ZFYVE28: variants seen among roughly 807,000 people sequenced by gnomAD.
ZFYVE28 encodes the protein lateral signaling target protein 2 homolog.
ZFYVE28 carries 40 observed loss-of-function variants against 82.1 expected under a neutral mutation model. The ratio of observed to expected loss-of-function variants is 0.49; its 90% CI spans 0.38 to 0.63. The LOEUF (loss-of-function observed/expected upper bound fraction) is 0.63. Among genes scored for constraint, ZFYVE28 ranks in the 30% least tolerant of loss-of-function variants. The pLI, the probability that ZFYVE28 is intolerant of heterozygous loss-of-function variation, is 0.00. For missense variants in ZFYVE28, 1,321 were observed against 1,242.1 expected (o/e 1.06, Z -0.96); for synonymous variants, 612 against 546.1 (o/e 1.12, Z -1.68).
At chr4:2,405,011 C>T (rs998406967) in intron 1 of ZFYVE28, among the ~76,000 whole-genome samples, 17 of 152,172 alleles carry the variant, frequency 1.1e-4, no homozygotes, top group South Asian at 6.2e-4. Context: ...GGATTATAGG[C>T]GTAGGCCACC....
At chr4:2,396,119 C>T (rs3128796) in intron 1 of ZFYVE28, among the ~76,000 whole-genome samples, 3 of 86,372 alleles carry the variant, frequency 3.5e-5, no homozygotes, top group Admixed American at 2.3e-4. Context: ...TGCAGAGGGG[C>T]CACAAGGCGG....
chr4:2,386,888 G>A (rs557065161), intron 1 of ZFYVE28, among the ~76,000 whole-genome samples: 1 of 152,370 alleles, frequency 6.6e-6, no homozygotes, highest in African/African-American at 2.4e-5. Context: ...AGCCAAGCTC[G>A]CTGCCCTCAG....
chr4:2,320,172 T>C lies in ZFYVE28; in HGVS notation c.801A>G (p.Ile267Met). 3.1e-6 allele frequency: 5 copies of C among 1,611,520 alleles called. No individual in the cohort carries two copies. The highest frequency in any genetic ancestry group is 4.2e-6 in the Non-Finnish European group (5 of 1,178,302). The change falls in exon 7 of 13, where the codon ATA (isoleucine) becomes ATG (methionine). Residue 267 changes from isoleucine to methionine, a missense_variant and splice_region_variant. This residue lies in a region of ZFYVE28 where 343 missense variants were observed against 408.4 expected (regional missense o/e 0.84). Coordinates refer to ENST00000290974, the MANE Select transcript of ZFYVE28 (RefSeq NM_020972.3). The surrounding 1 kb of genome is among the most constrained non-coding windows in gnomAD (Gnocchi z 5.1). ...FRPFHTLLRKIRDLLQTLTEE... is the reference protein window; with the variant it reads ...FRPFHTLLRKMRDLLQTLTEE... ...ACCTCCTCTAGCTCCATCCCCACCT[T>C]ATTTTCCGCAGCAACGTGTGGAAGG...
At chr4:2,321,005 C>T (rs3135119) in intron 6 of ZFYVE28, among the ~76,000 whole-genome samples, 41,158 of 151,836 alleles carry the variant, frequency 0.27, 6,285 homozygotes, top group Middle Eastern at 0.39. Flanking sequence ...TGCCAAGCTC[C>T]GAGTGTGCCT....
At chr4:2,301,684 A>G (rs1715550549) in intron 8 of ZFYVE28, among the ~76,000 whole-genome samples, 1 of 152,048 alleles carries the variant, frequency 6.6e-6, no homozygotes, top group Non-Finnish European at 1.5e-5. Context: ...CAGCAGCAAA[A>G]GATGTGCAGG....
At chr4:2,295,686 G>T in intron 8 of ZFYVE28, 1 of 153,018 alleles carries the variant, frequency 6.5e-6, no homozygotes. Flanking sequence ...TGCCACCTGG[G>T]CACCTTTCCT....
At chr4:2,370,867 C>T (rs1432825897) in intron 1 of ZFYVE28, among the ~76,000 whole-genome samples, 1 of 152,228 alleles carries the variant, frequency 6.6e-6, no homozygotes, top group Non-Finnish European at 1.5e-5. Flanking sequence ...GGGCACCCAA[C>T]CCTGCCACGT....
rs529162111 is a variant in ZFYVE28 at position 2,342,241 on chromosome 4, C to T, written c.181-626G>A. Among the ~76,000 whole-genome samples the T allele has an allele frequency of 5.9e-5, 9 of 152,300 alleles. No homozygotes were observed. In the South Asian group the frequency reaches 6.2e-4, roughly 11 times the overall value. ...GGAACCAGCAGATCAATTACAGCAA[C>T]GCATAAGTCAGTCTGCACTGGAAGG... On this transcript the variant is annotated intron_variant, in intron 2 of 12. Transcript: ENST00000290974.
intron 10 of ZFYVE28, among the ~76,000 whole-genome samples, chr4:2,272,697 C>T (rs578144320): frequency 2.0e-5 from 3 of 152,138 alleles, no homozygotes; most frequent in Non-Finnish European, 4.4e-5. Flanking sequence ...CATAGAGAGG[C>T]GGGTTCGGGG....
chr4:2,344,349 G>A (rs914342190), intron 2 of ZFYVE28, among the ~76,000 whole-genome samples: 1 of 152,214 alleles, frequency 6.6e-6, no homozygotes, highest in Non-Finnish European at 1.5e-5. Context: ...CAGGAGGCTA[G>A]AGTAGCAGGA....
intron 1 of ZFYVE28, among the ~76,000 whole-genome samples, chr4:2,379,935 G>T (rs542392570): frequency 9.2e-5 from 14 of 152,004 alleles, no homozygotes; most frequent in Non-Finnish European, 1.8e-4. Context: ...TTACAGCCAT[G>T]AGCCACAGTA....
intron 6 of ZFYVE28, among the ~76,000 whole-genome samples, chr4:2,334,129 C>A (rs910542560): frequency 6.6e-6 from 1 of 152,174 alleles, no homozygotes; most frequent in African/African-American, 2.4e-5. Context: ...CTCACTCTCT[C>A]TGGTTTGCTA....
chr4:2,378,706 G>C (rs1007609542), intron 1 of ZFYVE28, among the ~76,000 whole-genome samples: 12 of 152,184 alleles, frequency 7.9e-5, no homozygotes, highest in African/African-American at 2.4e-4. Context: ...CCTGGATTGA[G>C]ACTAGGTATT....
intron 8 of ZFYVE28, among the ~76,000 whole-genome samples, chr4:2,284,209 C>CAAAT (rs1332886600): frequency 6.6e-6 from 1 of 152,178 alleles, no homozygotes; most frequent in Non-Finnish European, 1.5e-5. Context: ...AGCCAGCCTG[C>CAAAT]AAATGAGTGT....
intron 8 of ZFYVE28, among the ~76,000 whole-genome samples, chr4:2,296,721 C>T (rs955678771): frequency 6.6e-6 from 1 of 152,114 alleles, no homozygotes; most frequent in African/African-American, 2.4e-5. Context: ...GGAGGGGAGG[C>T]CCGCGGGGCG....
At chr4:2,323,609 T>G (rs1274342560) in intron 6 of ZFYVE28, among the ~76,000 whole-genome samples, 1 of 151,982 alleles carries the variant, frequency 6.6e-6, no homozygotes, top group Non-Finnish European at 1.5e-5. Context: ...TAGTTACATA[T>G]GTATACATGT....
At chr4:2,272,170 G>C (rs563144135) in intron 10 of ZFYVE28, among the ~76,000 whole-genome samples, 1 of 152,368 alleles carries the variant, frequency 6.6e-6, no homozygotes, top group South Asian at 2.1e-4. Flanking sequence ...CTCCCTGGTA[G>C]AATGCAGCCT....
At chr4:2,355,284 T>G (rs1578225037) in intron 1 of ZFYVE28, among the ~76,000 whole-genome samples, 1 of 63,402 alleles carries the variant, frequency 1.6e-5, no homozygotes. Context: ...TGATTCTTCT[T>G]TTTTTTTTTT....
At chr4:2,283,618 C>T (rs1481454915) in intron 8 of ZFYVE28, among the ~76,000 whole-genome samples, 2 of 152,244 alleles carry the variant, frequency 1.3e-5, no homozygotes, top group Non-Finnish European at 2.9e-5. Context: ...ACCTGCCCTA[C>T]AAACATGCAC....
Sources: gnomAD v4.1 joint callset for allele counts (sites outside exome capture counted in the v4.1 genomes callset) on GRCh38, gnomAD v4.1.1 for gene constraint, gnomAD v4.1.1 regional missense constraint, Gnocchi (gnomAD v3.1) non-coding constraint, MANE v1.5 for transcripts, NCBI Gene and HGNC (gene_info 2026-07-23, HGNC 2026-07-21) for gene names.